The following LSAMP variants were observed in gnomAD, a reference collection of about 807,000 sequenced individuals.
LSAMP encodes limbic system associated membrane protein, also known as limbic system-associated membrane protein.
Under a neutral mutation model 38.6 loss-of-function variants are expected in LSAMP, and 7 were observed. That is an observed-to-expected ratio of 0.18 (90% CI 0.10 to 0.34). The LOEUF (loss-of-function observed/expected upper bound fraction) is 0.34. Among genes scored for constraint, LSAMP ranks in the 10% least tolerant of loss-of-function variants. The probability of loss-of-function intolerance (pLI) is 1.00; values close to 1 mark genes in which losing one functional copy is unlikely to be tolerated. For synonymous variants in LSAMP, 154 were observed against 166.8 expected (o/e 0.92, Z 0.59); for missense variants, 313 against 420.0 (o/e 0.75, Z 2.23).
chr3:116,232,716 T>C (rs917020081), intron 1 of LSAMP, among the ~76,000 whole-genome samples: 3 of 146,750 alleles, frequency 2.0e-5, no homozygotes, highest in African/African-American at 2.6e-5. Context: ...TTTTTTTTTT[T>C]CCAGCAGGTA....
chr3:116,138,610 G>A (rs998095198), intron 1 of LSAMP, among the ~76,000 whole-genome samples: 6 of 151,960 alleles, frequency 3.9e-5, no homozygotes, highest in South Asian at 2.1e-4. Context: ...TCAGGATGGC[G>A]CTGTGGGTTC....
At position 116,071,958 on chromosome 3, in the gene LSAMP, C is replaced by T. The variant is rs557216818; in HGVS notation, c.388+14366G>A. On this transcript the variant is annotated intron_variant, in intron 2 of 6. Transcript: ENST00000490035. ...TCCTTTTTGTGGCTGCATAGTATTC[C>T]ATGGTGTATATGTAGCTTTTTTTTT... 1.0e-3 allele frequency among the ~76,000 whole-genome samples: 157 copies of T among 150,982 alleles called. 1 individual carries two copies. The highest frequency in any genetic ancestry group is 1.7e-3 in the Admixed American group (25 of 15,138).
rs149964412 is a variant in LSAMP, at chr3:115,802,968, G to A, written c.*7349C>T. 1.3e-5 allele frequency: 2 copies of A among 152,236 alleles called. No individual in the cohort carries two copies. The highest frequency in any genetic ancestry group is 4.8e-5 in the African/African-American group (2 of 41,536). 9.4% of individuals were successfully genotyped at this position (152,236 alleles called of 1,614,324 possible). A position where few individuals can be genotyped will look rare whatever the true frequency, so the allele number is the denominator to read the frequency against. ...CCAGGATGAACAATTTCCATTCTCT[G>A]GTGAAGAGCAAAGACTTAGGGAAGT... On this transcript the variant is annotated 3_prime_UTR_variant, in exon 7 of 7. Coordinates refer to ENST00000490035, the MANE Select transcript of LSAMP (RefSeq NM_002338.5).
At chr3:115,899,624 A>G (rs1936823298) in intron 3 of LSAMP, among the ~76,000 whole-genome samples, 5 of 152,094 alleles carry the variant, frequency 3.3e-5, no homozygotes, top group Admixed American at 3.3e-4. Flanking sequence ...ACATCCACTA[A>G]ATCTTATATG....
chr3:116,054,009 A>G (rs1273572186), intron 2 of LSAMP, among the ~76,000 whole-genome samples: 1 of 152,194 alleles, frequency 6.6e-6, no homozygotes, highest in East Asian at 1.9e-4. Context: ...ATTATCTTAC[A>G]GTTTTAGAGA....
chr3:116,172,892 C>A (rs776240123), intron 1 of LSAMP, among the ~76,000 whole-genome samples: 1 of 151,718 alleles, frequency 6.6e-6, no homozygotes, highest in Non-Finnish European at 1.5e-5. Context: ...TGACAGGAAA[C>A]ATAACAGTTT....
intron 1 of LSAMP, among the ~76,000 whole-genome samples, chr3:116,234,151 T>A (rs1416503011): frequency 6.6e-6 from 1 of 152,226 alleles, no homozygotes; most frequent in Non-Finnish European, 1.5e-5. Context: ...ACTCTTCCTG[T>A]GATAGTTCAG....
intron 2 of LSAMP, among the ~76,000 whole-genome samples, chr3:116,023,375 A>C (rs1940692134): frequency 6.6e-6 from 1 of 151,720 alleles, no homozygotes; most frequent in Non-Finnish European, 1.5e-5. Context: ...CAGGTGGATC[A>C]CAAGGTCAGG....
chr3:115,859,504 G>A (rs922726850), intron 3 of LSAMP, among the ~76,000 whole-genome samples: 2 of 152,166 alleles, frequency 1.3e-5, no homozygotes, highest in Non-Finnish European at 2.9e-5. Context: ...CAAGGGAAGG[G>A]GTGGGTTACT....
intron 1 of LSAMP, among the ~76,000 whole-genome samples, chr3:116,137,273 C>T (rs1042958041): frequency 1.3e-5 from 2 of 151,956 alleles, no homozygotes; most frequent in African/African-American, 2.4e-5. Context: ...CAGCCAAGGC[C>T]CTTGTGCCAA....
At chr3:115,904,848 T>C (rs1052983691) in intron 3 of LSAMP, among the ~76,000 whole-genome samples, 36 of 152,178 alleles carry the variant, frequency 2.4e-4, no homozygotes, top group Non-Finnish European at 4.6e-4. Flanking sequence ...TTTACTTACA[T>C]GTCCTCTGAC....
chr3:115,939,570 T>TTCTTTCTTTCTTTCTTTC (rs1553751076), intron 3 of LSAMP, among the ~76,000 whole-genome samples: 12,920 of 136,702 alleles, frequency 0.095, 1,028 homozygotes, highest in Admixed American at 0.13. Context: ...CTTTCTTTCT[T>TTCTTTCTTTCTTTCTTTC]TCTTTCTTTC....
intron 1 of LSAMP, among the ~76,000 whole-genome samples, chr3:116,340,562 C>T (rs1055934562): frequency 6.6e-6 from 1 of 152,106 alleles, no homozygotes; most frequent in African/African-American, 2.4e-5. Flanking sequence ...GTGAACCCAA[C>T]ATTTGCCCAT....
chr3:115,967,725 C>T (rs1347100693), intron 3 of LSAMP, among the ~76,000 whole-genome samples: 2 of 152,108 alleles, frequency 1.3e-5, no homozygotes, highest in African/African-American at 4.8e-5. Context: ...TGGATGGCAG[C>T]AGGCAAAGAG....
intron 1 of LSAMP, among the ~76,000 whole-genome samples, chr3:116,292,448 A>G (rs1416826530): frequency 6.6e-6 from 1 of 152,212 alleles, no homozygotes; most frequent in Non-Finnish European, 1.5e-5. Context: ...GAGGGTTAGA[A>G]AAAATACCAC....
chr3:116,333,312 A>T (rs1296936084), intron 1 of LSAMP, among the ~76,000 whole-genome samples: 1 of 152,002 alleles, frequency 6.6e-6, no homozygotes, highest in Non-Finnish European at 1.5e-5. Flanking sequence ...AGACTGAGGC[A>T]GGTGGATCAT....
intron 1 of LSAMP, among the ~76,000 whole-genome samples, chr3:116,285,144 T>C (rs908794528): frequency 6.6e-6 from 1 of 152,160 alleles, no homozygotes; most frequent in East Asian, 1.9e-4. Flanking sequence ...CAGCTCCAAA[T>C]TGGCTGAGTG....
intron 1 of LSAMP, among the ~76,000 whole-genome samples, chr3:116,434,031 T>C (rs1285751366): frequency 6.6e-6 from 1 of 152,170 alleles, no homozygotes; most frequent in Non-Finnish European, 1.5e-5. Flanking sequence ...ATAACTGCAA[T>C]GGGAAATATT....
chr3:115,842,708 T>C lies in LSAMP; in HGVS notation c.650-130A>G. ...GGGAGCCATCTTAAAGCTCCATTTG[T>C]ATGAATTATGTGATCAGCTCAATGG... On this transcript the variant is annotated intron_variant, in intron 4 of 6. Coordinates refer to ENST00000490035, the MANE Select transcript of LSAMP (RefSeq NM_002338.5). 4.4e-6 allele frequency: 5 copies of C among 1,144,342 alleles called. No individual in the cohort carries two copies. In the Admixed American group the frequency reaches 1.2e-4, roughly 27 times the overall value. 70.9% of individuals were successfully genotyped at this position (1,144,342 alleles called of 1,614,324 possible).
Sources: gnomAD v4.1 joint callset for allele counts (sites outside exome capture counted in the v4.1 genomes callset) on GRCh38, gnomAD v4.1.1 for gene constraint, MANE v1.5 for transcripts, NCBI Gene and HGNC (gene_info 2026-07-23, HGNC 2026-07-21) for gene names.